The following ADCY2 variants were observed in gnomAD, a reference collection of about 807,000 sequenced individuals.
ADCY2 encodes adenylate cyclase 2, also known as adenylate cyclase type 2.
Under a neutral mutation model 125.2 loss-of-function variants are expected in ADCY2, and 31 were observed. That is an observed-to-expected ratio of 0.25 (90% CI 0.19 to 0.33). ADCY2 has a LOEUF of 0.33. Ranked by LOEUF, ADCY2 falls within the 10% of genes least tolerant of loss-of-function variation. The pLI is 1.00. For missense variants in ADCY2, 904 were observed against 1,418.2 expected (o/e 0.64, Z 5.82); for synonymous variants, 512 against 548.4 (o/e 0.93, Z 0.93).
intron 10 of ADCY2, among the ~76,000 whole-genome samples, chr5:7,711,474 G>A (rs1041785870): frequency 1.3e-5 from 2 of 152,182 alleles, no homozygotes; most frequent in Non-Finnish European, 2.9e-5. Flanking sequence ...ATAAATAGTC[G>A]AATGTGATTT....
chr5:7,499,648 G>GAGAT (rs1554014326), intron 2 of ADCY2, among the ~76,000 whole-genome samples: 7 of 118,432 alleles, frequency 5.9e-5, no homozygotes, highest in Admixed American at 1.8e-4. Context: ...TATGTGGGTG[G>GAGAT]ATATATATAT....
chr5:7,638,365 G>A (rs1007571137), intron 4 of ADCY2, among the ~76,000 whole-genome samples: 18 of 152,242 alleles, frequency 1.2e-4, no homozygotes, highest in South Asian at 4.1e-4. Flanking sequence ...TCAGCAGCCC[G>A]CACCTATGAC....
intron 18 of ADCY2, among the ~76,000 whole-genome samples, chr5:7,779,151 T>A (rs930615154): frequency 1.3e-5 from 2 of 152,150 alleles, no homozygotes; most frequent in Non-Finnish European, 2.9e-5. Context: ...TGCCTAACTT[T>A]AACAACAAAG....
intron 4 of ADCY2, among the ~76,000 whole-genome samples, chr5:7,643,102 G>A (rs1314000975): frequency 6.6e-6 from 1 of 151,148 alleles, no homozygotes; most frequent in Non-Finnish European, 1.5e-5. Context: ...ATTTTCAAAT[G>A]TATTTCTTTA....
intron 3 of ADCY2, among the ~76,000 whole-genome samples, chr5:7,611,683 A>T (rs1212174773): frequency 6.6e-6 from 1 of 152,156 alleles, no homozygotes; most frequent in Non-Finnish European, 1.5e-5. Context: ...GTTTATTTTG[A>T]CCATGACAGT....
intron 2 of ADCY2, among the ~76,000 whole-genome samples, chr5:7,502,205 G>C (rs1028138422): frequency 3.3e-5 from 5 of 152,136 alleles, no homozygotes; most frequent in African/African-American, 1.2e-4. Context: ...CACACCAAAT[G>C]CAAGTGGGAC....
intron 2 of ADCY2, among the ~76,000 whole-genome samples, chr5:7,458,891 G>A (rs1741807676): frequency 6.6e-6 from 1 of 152,200 alleles, no homozygotes; most frequent in Non-Finnish European, 1.5e-5. Context: ...GGCTGATAGA[G>A]GGCCGCTCAT....
chr5:7,751,677 C>G (rs1742822252), intron 15 of ADCY2, among the ~76,000 whole-genome samples: 1 of 152,158 alleles, frequency 6.6e-6, no homozygotes, highest in Admixed American at 6.5e-5. Flanking sequence ...CTTCTTTGTA[C>G]AGAAAGTATA....
intron 3 of ADCY2, among the ~76,000 whole-genome samples, chr5:7,547,266 T>C (rs1735175460): frequency 6.6e-6 from 1 of 152,186 alleles, no homozygotes; most frequent in Non-Finnish European, 1.5e-5. Context: ...CAGGAAATAC[T>C]CTGTGTCTCT....
chr5:7,699,351 C>T (rs990975768), intron 7 of ADCY2, among the ~76,000 whole-genome samples: 1 of 151,786 alleles, frequency 6.6e-6, no homozygotes, highest in African/African-American at 2.4e-5. Flanking sequence ...CCCGCCTCGG[C>T]CTCCCAAAGT....
At chr5:7,595,169 C>G (rs974705405) in intron 3 of ADCY2, among the ~76,000 whole-genome samples, 1 of 152,128 alleles carries the variant, frequency 6.6e-6, no homozygotes, top group Non-Finnish European at 1.5e-5. Flanking sequence ...CCTGATCACA[C>G]CCCAGTGCAA....
intron 4 of ADCY2, among the ~76,000 whole-genome samples, chr5:7,688,168 A>G (rs191052151): frequency 6.6e-6 from 1 of 152,312 alleles, no homozygotes; most frequent in Non-Finnish European, 1.5e-5. Flanking sequence ...TGATTATGAC[A>G]GATTCAATGG....
At chr5:7,433,439 C>G (rs918332582) in intron 2 of ADCY2, among the ~76,000 whole-genome samples, 6 of 151,992 alleles carry the variant, frequency 3.9e-5, no homozygotes, top group African/African-American at 1.5e-4. Flanking sequence ...TGCACACACA[C>G]ATACAATGCC....
intron 24 of ADCY2, among the ~76,000 whole-genome samples, chr5:7,821,150 G>C (rs925029023): frequency 6.6e-6 from 1 of 152,166 alleles, no homozygotes; most frequent in South Asian, 2.1e-4. Flanking sequence ...AGGTTGATAT[G>C]AATGGCAGCT....
intron 4 of ADCY2, among the ~76,000 whole-genome samples, chr5:7,661,565 C>A (rs1308001620): frequency 6.6e-6 from 1 of 152,198 alleles, no homozygotes; most frequent in Non-Finnish European, 1.5e-5. Context: ...ATTGGTTTAT[C>A]CCGACACTTG....
intron 3 of ADCY2, among the ~76,000 whole-genome samples, chr5:7,527,196 A>T (rs1246528968): frequency 6.6e-6 from 1 of 152,146 alleles, no homozygotes; most frequent in Non-Finnish European, 1.5e-5. Flanking sequence ...TGGCCCTCAG[A>T]GGATATCAGA....
At chr5:7,694,658 T>C (rs1009577260) in intron 5 of ADCY2, among the ~76,000 whole-genome samples, 3 of 152,236 alleles carry the variant, frequency 2.0e-5, no homozygotes, top group African/African-American at 7.2e-5. Flanking sequence ...AGACCACATT[T>C]TGTTTATTCA....
chr5:7,789,619 A>G, intron 19 of ADCY2, 23 bp from the exon 20 acceptor site: 1 of 1,604,754 alleles, frequency 6.2e-7, no homozygotes, highest in Non-Finnish European at 8.5e-7. Context: ...TTGTTTCTTT[A>G]CCTCTGTGTC....
At chr5:7,431,948 C>G (rs1397227130) in intron 2 of ADCY2, among the ~76,000 whole-genome samples, 1 of 152,068 alleles carries the variant, frequency 6.6e-6, no homozygotes, top group Non-Finnish European at 1.5e-5. Context: ...CCTGTTTTCT[C>G]GCTGGAGTGT....
Sources: gnomAD v4.1 joint callset for allele counts (sites outside exome capture counted in the v4.1 genomes callset) on GRCh38, gnomAD v4.1.1 for gene constraint, MANE v1.5 for transcripts, NCBI Gene and HGNC (gene_info 2026-07-23, HGNC 2026-07-21) for gene names.